Variants in PRELID2 observed in about 807,000 individuals in gnomAD.
The protein encoded by PRELID2 is PRELI domain containing 2.
A neutral mutation model predicts 28.4 loss-of-function variants in PRELID2; 25 were observed. The ratio of observed to expected loss-of-function variants is 0.88; its 90% CI spans 0.64 to 1.23. The LOEUF (loss-of-function observed/expected upper bound fraction) is 1.23. Ranked by LOEUF, PRELID2 falls within the 50% of genes most tolerant of loss-of-function variation. The pLI is 0.00. For missense variants in PRELID2, 201 were observed against 214.4 expected, an observed-to-expected ratio of 0.94 and a Z score of 0.39; for synonymous variants, 76 against 71.6, an observed-to-expected ratio of 1.06 and a Z score of -0.31.
intron 1 of PRELID2, among the ~76,000 whole-genome samples, chr5:145,535,991 C>A (rs992977641): frequency 1.3e-4 from 20 of 151,840 alleles, no homozygotes; most frequent in African/African-American, 4.8e-4. Context: ...GGCAGAGCAG[C>A]CCCTTGCCTT....
chr5:145,693,614 A>C (rs1438236345), intron 1 of PRELID2, among the ~76,000 whole-genome samples: 1 of 152,124 alleles, frequency 6.6e-6, no homozygotes, highest in Non-Finnish European at 1.5e-5. Context: ...AAAATAAAAA[A>C]TTTTAAAAAT....
the PRELID2 span, among the ~76,000 whole-genome samples, chr5:145,403,088 G>A: frequency 8.5e-5 from 13 of 152,146 alleles, no homozygotes; most frequent in African/African-American, 3.1e-4. Context: ...TTAGAAGGTA[G>A]AGCTTTCCTA....
the PRELID2 span, among the ~76,000 whole-genome samples, chr5:145,400,571 G>A: frequency 1.3e-5 from 2 of 152,020 alleles, no homozygotes; most frequent in African/African-American, 2.4e-5. Flanking sequence ...GACTAATTCC[G>A]AGGTAGCAGG....
chr5:145,820,079 CA>C lies in PRELID2; in HGVS notation c.134-62del, dbSNP rs1283296921. 7 of 976,742 alleles carry C rather than the reference CA, an allele frequency of 7.2e-6. No homozygotes were observed. In the African/African-American group the frequency reaches 1.2e-4, roughly 16 times the overall value. 60.5% of individuals were successfully genotyped at this position (976,742 alleles called of 1,614,324 possible). A position where few individuals can be genotyped will look rare whatever the true frequency, so the allele number is the denominator to read the frequency against. ...AAGAAATGTGTTCTTTTCTTAGTGT[CA>C]ATAAATCTTGCGGGGGTGGGGTTTT... is the stretch of plus-strand genomic sequence containing the variant. On this transcript the variant is annotated intron_variant, in intron 2 of 6. Transcript: ENST00000683046.
intron 4 of PRELID2, among the ~76,000 whole-genome samples, chr5:145,808,035 T>G (rs1183271123): frequency 6.6e-6 from 1 of 152,146 alleles, no homozygotes; most frequent in East Asian, 1.9e-4. Flanking sequence ...AGAAAAGGCC[T>G]CACTGCTTGG....
At chr5:145,488,292 A>G (rs990313849) in intron 1 of PRELID2, among the ~76,000 whole-genome samples, 2 of 152,140 alleles carry the variant, frequency 1.3e-5, no homozygotes, top group African/African-American at 4.8e-5. Flanking sequence ...AGTAGGAAAG[A>G]ATTAAGATTA....
chr5:145,783,902 G>T lies in PRELID2; in HGVS notation c.474+12540C>A, dbSNP rs528488577. Among the ~76,000 whole-genome samples, 3 of 152,262 alleles carry T rather than the reference G, an allele frequency of 2.0e-5. No individual in the cohort carries two copies. The South Asian group carries it at 6.2e-4, about 32-fold the overall frequency. On this transcript the variant is annotated intron_variant, in intron 5 of 6. Coordinates refer to ENST00000683046, the MANE Select transcript of PRELID2 (RefSeq NM_205846.3). Reference sequence around the variant, plus strand: ...CTGTTTTTTAGAATTGTGACTACCCGTGTATGTGTGTTTCCTGAACAGTAA... The same window carrying T: ...CTGTTTTTTAGAATTGTGACTACCCTTGTATGTGTGTTTCCTGAACAGTAA...
Position 145,477,349 on chromosome 5 carries a change from G to A in PRELID2, n.71-4034C>T, listed in dbSNP as rs1215408601. ...TCTCTCCTCATAGAGACAAGATGGC[G>A]GCCATCCACTGCAGTCCACATCCTA... On this transcript the variant is annotated intron_variant and non_coding_transcript_variant, in intron 1 of 2. Transcript: ENST00000510259. Among the ~76,000 whole-genome samples, 7 of 152,162 alleles carry A rather than the reference G, an allele frequency of 4.6e-5. No homozygotes were observed. In the East Asian group the frequency reaches 9.7e-4, roughly 21 times the overall value.
the PRELID2 span, among the ~76,000 whole-genome samples, chr5:145,239,540 C>T: frequency 1.3e-5 from 2 of 151,872 alleles, no homozygotes; most frequent in Non-Finnish European, 2.9e-5. Context: ...TGCTATAATG[C>T]AATTATAATA....
At chr5:145,579,634 C>T (rs559256544) in intron 1 of PRELID2, among the ~76,000 whole-genome samples, 8 of 152,044 alleles carry the variant, frequency 5.3e-5, no homozygotes, top group Non-Finnish European at 8.8e-5. Flanking sequence ...ATTGAGTCAC[C>T]TGCATATCAT....
Position 145,730,517 on chromosome 5 carries a change from G to T in PRELID2, n.70+34414C>A, listed in dbSNP as rs77719256. On this transcript the variant is annotated intron_variant and non_coding_transcript_variant, in intron 1 of 2. Transcript: ENST00000510259. ...TGAGGCATAAATTTGAATCACCCAT[G>T]CTAATGAGGATGAGGTTGGTTGGAA... Among the ~76,000 whole-genome samples the T allele has an allele frequency of 1.3e-3, 202 of 152,282 alleles. 2 individuals are homozygous for T. The highest frequency in any genetic ancestry group is 4.5e-3 in the African/African-American group (186 of 41,572).
the PRELID2 span, among the ~76,000 whole-genome samples, chr5:145,409,807 A>C: frequency 2.8e-4 from 42 of 152,110 alleles, no homozygotes; most frequent in African/African-American, 1.0e-3. Context: ...AGATTCATCC[A>C]ACAGGAAACT....
At chr5:145,256,630 T>C in the PRELID2 span, among the ~76,000 whole-genome samples, 1 of 151,956 alleles carries the variant, frequency 6.6e-6, no homozygotes, top group Non-Finnish European at 1.5e-5. Context: ...CATAAATCCA[T>C]AAATCTCAGC....
the PRELID2 span, among the ~76,000 whole-genome samples, chr5:145,299,131 G>T: frequency 2.0e-5 from 3 of 152,134 alleles, no homozygotes; most frequent in South Asian, 6.2e-4. Flanking sequence ...AACCCATTTT[G>T]TTATACCTGT....
At chr5:145,809,637 C>T (rs1430956014) in intron 4 of PRELID2, among the ~76,000 whole-genome samples, 1 of 152,210 alleles carries the variant, frequency 6.6e-6, no homozygotes, top group Non-Finnish European at 1.5e-5. Flanking sequence ...TAAGCAGAAG[C>T]TTTTAGACAT....
At chr5:145,353,824 C>T in the PRELID2 span, among the ~76,000 whole-genome samples, 2,167 of 152,234 alleles carry the variant, frequency 0.014, 58 homozygotes, top group African/African-American at 0.05. Flanking sequence ...CACAGGCAAA[C>T]CACATCAAGG....
intron 4 of PRELID2, among the ~76,000 whole-genome samples, chr5:145,817,421 T>TTATATATATATATTTTTATATATA (rs1554099436): frequency 1.9e-5 from 2 of 103,596 alleles, no homozygotes; most frequent in African/African-American, 6.7e-5. Context: ...TAAGCTAGTT[T>TTATATATATATATTTTTATATATA]TATATATATA....
the PRELID2 span, among the ~76,000 whole-genome samples, chr5:145,379,493 C>A: frequency 6.6e-6 from 1 of 152,244 alleles, no homozygotes; most frequent in South Asian, 2.1e-4. Flanking sequence ...GATGGCTTCT[C>A]TGTGCCCAGC....
chr5:145,524,406 G>A (rs1012541071), intron 1 of PRELID2, among the ~76,000 whole-genome samples: 2 of 152,152 alleles, frequency 1.3e-5, no homozygotes, highest in African/African-American at 4.8e-5. Context: ...CGGGTACAGA[G>A]AGGCCTCAAG....
Sources: allele counts gnomAD v4.1 joint callset (sites outside exome capture counted in the v4.1 genomes callset), GRCh38; gene constraint gnomAD v4.1.1; transcripts MANE v1.5; gene names NCBI Gene and HGNC (gene_info 2026-07-23, HGNC 2026-07-21).